Variants in CDKAL1 observed in about 807,000 individuals in gnomAD.
CDKAL1 encodes threonylcarbamoyladenosine tRNA methylthiotransferase.
A neutral mutation model predicts 68.2 loss-of-function variants in CDKAL1; 32 were observed. The ratio of observed to expected loss-of-function variants is 0.47; its 90% CI spans 0.35 to 0.63. CDKAL1 has a LOEUF of 0.63. CDKAL1 is among the 30% of genes least tolerant of loss of function. CDKAL1 has a pLI of 0.00. For missense variants in CDKAL1, 606 were observed against 696.7 expected (o/e 0.87, Z 1.47); for synonymous variants, 234 against 244.3 (o/e 0.96, Z 0.39).
chr6:21,224,387 C>T (rs995309563), intron 15 of CDKAL1, among the ~76,000 whole-genome samples: 1 of 152,036 alleles, frequency 6.6e-6, no homozygotes, highest in African/African-American at 2.4e-5. Context: ...ATTAGCCAGG[C>T]GTGGTGACAC....
At chr6:20,565,005 G>A (rs1043754367) in intron 4 of CDKAL1, among the ~76,000 whole-genome samples, 1 of 152,084 alleles carries the variant, frequency 6.6e-6, no homozygotes, top group African/African-American at 2.4e-5. Context: ...ATAGCAGGAT[G>A]TGGTGAATAC....
chr6:21,206,342 G>A lies in CDKAL1; in HGVS notation c.1548+5068G>A, dbSNP rs184266582. On this transcript the variant is annotated intron_variant, in intron 15 of 15. Coordinates refer to ENST00000274695, the MANE Select transcript of CDKAL1 (RefSeq NM_017774.3). ...TTCTCTGTGGGTTCAGTTAAAAATG[G>A]CATTAGAGATCTGTCTCTCTTAGGA... Among the ~76,000 whole-genome samples, 110 of 152,220 alleles carry A rather than the reference G, an allele frequency of 7.2e-4. 2 individuals are homozygous for A. The highest frequency in any genetic ancestry group is 2.6e-3 in the African/African-American group (106 of 41,534).
chr6:20,696,395 A>C (rs1341519611), intron 5 of CDKAL1, among the ~76,000 whole-genome samples: 2 of 152,258 alleles, frequency 1.3e-5, no homozygotes, highest in African/African-American at 4.8e-5. Flanking sequence ...TAGGTAGCTA[A>C]GAGCACCTGA....
At chr6:20,691,053 A>G (rs1256624129) in intron 5 of CDKAL1, among the ~76,000 whole-genome samples, 6 of 152,218 alleles carry the variant, frequency 3.9e-5, no homozygotes, top group African/African-American at 1.2e-4. Flanking sequence ...ATTACAGGTA[A>G]TAGGCAATAA....
Position 21,073,203 on chromosome 6 carries a change from A to T in CDKAL1, c.1236+7975A>T, listed in dbSNP as rs563736186. ...AATAATATTTCATTGTGTGGACGTAACACAATTTATCCATTTACCTACTGA... is the reference window on the plus strand; with the variant it reads ...AATAATATTTCATTGTGTGGACGTATCACAATTTATCCATTTACCTACTGA... On this transcript the variant is annotated intron_variant, in intron 12 of 15. Transcript: ENST00000274695. 3.6e-4 allele frequency among the ~76,000 whole-genome samples: 55 copies of T among 152,300 alleles called. No individual in the cohort carries two copies. The South Asian group carries it at 4.6e-3, about 13-fold the overall frequency.
At chr6:21,120,690 A>T (rs1482824628) in intron 13 of CDKAL1, among the ~76,000 whole-genome samples, 2 of 152,216 alleles carry the variant, frequency 1.3e-5, no homozygotes, top group African/African-American at 2.4e-5. Context: ...TTAAAAATTT[A>T]AATATTATCA....
intron 2 of CDKAL1, among the ~76,000 whole-genome samples, chr6:20,545,973 C>T (rs1399028294): frequency 6.6e-6 from 1 of 152,172 alleles, no homozygotes; most frequent in Non-Finnish European, 1.5e-5. Flanking sequence ...TATAGCTTGA[C>T]AGACAAAGAA....
chr6:21,004,216 T>G (rs773107823), intron 11 of CDKAL1, among the ~76,000 whole-genome samples: 14 of 152,210 alleles, frequency 9.2e-5, no homozygotes, highest in Admixed American at 2.0e-4. Flanking sequence ...AAAGTGGAAG[T>G]GAAATCTTTT....
intron 13 of CDKAL1, among the ~76,000 whole-genome samples, chr6:21,112,713 C>G (rs553680030): frequency 3.9e-5 from 6 of 152,164 alleles, no homozygotes; most frequent in Non-Finnish European, 5.9e-5. Context: ...TGTATTTATG[C>G]ACTTGATAAG....
In CDKAL1 at chr6:21,144,333, C is replaced by T. The variant is rs562591497; in HGVS notation, c.1299+35870C>T. Reference sequence around the variant, plus strand: ...GCTTAGACATGCAAATGTTATATTCCCTGCAGCAGAGTAAAGTCACATAAA... The same window carrying T: ...GCTTAGACATGCAAATGTTATATTCTCTGCAGCAGAGTAAAGTCACATAAA... On this transcript the variant is annotated intron_variant, in intron 13 of 15. Transcript: ENST00000274695. Among the ~76,000 whole-genome samples, 8 of 152,220 alleles carry T rather than the reference C, an allele frequency of 5.3e-5. No individual in the cohort carries two copies. The South Asian group carries it at 1.5e-3, about 28-fold the overall frequency.
chr6:21,130,568 G>A (rs895099273), intron 13 of CDKAL1, among the ~76,000 whole-genome samples: 1 of 152,130 alleles, frequency 6.6e-6, no homozygotes, highest in Non-Finnish European at 1.5e-5. Context: ...TCAATTAAAT[G>A]TGAATTTCCA....
chr6:20,810,874 T>A (rs1776787464), intron 8 of CDKAL1, among the ~76,000 whole-genome samples: 1 of 152,060 alleles, frequency 6.6e-6, no homozygotes, highest in African/African-American at 2.4e-5. Context: ...CTACCCCCAG[T>A]ATTTACAATT....
At chr6:20,612,042 G>A (rs1766640320) in intron 4 of CDKAL1, among the ~76,000 whole-genome samples, 1 of 152,142 alleles carries the variant, frequency 6.6e-6, no homozygotes, top group Non-Finnish European at 1.5e-5. Context: ...TTAATGTAAT[G>A]ATTTCCAGTT....
chr6:20,630,816 A>G lies in CDKAL1; in HGVS notation c.287-18477A>G, dbSNP rs112238792. On this transcript the variant is annotated intron_variant, in intron 4 of 15. Coordinates refer to ENST00000274695, the MANE Select transcript of CDKAL1 (RefSeq NM_017774.3). The stretch of plus-strand genomic sequence containing the variant: ...TTAAGACACCTCTTTGCAAGTCACA[A>G]CATCTCTTTCTATTTCTGTTTCCGC... 6.8e-3 allele frequency among the ~76,000 whole-genome samples: 1,037 copies of G among 152,252 alleles called. 5 individuals are homozygous for G. The highest frequency in any genetic ancestry group is 0.011 in the Non-Finnish European group (751 of 68,018).
At chr6:20,884,536 G>A (rs1385723413) in intron 9 of CDKAL1, among the ~76,000 whole-genome samples, 1 of 152,134 alleles carries the variant, frequency 6.6e-6, no homozygotes, top group Non-Finnish European at 1.5e-5. Context: ...GAACTAAAAT[G>A]CATTCAAATT....
intron 13 of CDKAL1, among the ~76,000 whole-genome samples, chr6:21,160,897 G>A (rs1203960755): frequency 1.3e-5 from 2 of 151,474 alleles, no homozygotes; most frequent in African/African-American, 4.9e-5. Context: ...TCTGGTGTGT[G>A]ATGTTCCCCT....
chr6:20,603,584 G>A (rs902406569), intron 4 of CDKAL1, among the ~76,000 whole-genome samples: 9 of 152,050 alleles, frequency 5.9e-5, no homozygotes, highest in Admixed American at 1.3e-4. Context: ...TGATATGCAA[G>A]TGTTACTCAG....
intron 13 of CDKAL1, among the ~76,000 whole-genome samples, chr6:21,119,113 C>T (rs1209975658): frequency 6.6e-6 from 1 of 152,180 alleles, no homozygotes; most frequent in African/African-American, 2.4e-5. Flanking sequence ...TCCCGACCAT[C>T]TTCCCCTCCT....
chr6:21,009,745 A>G (rs1167525296), intron 11 of CDKAL1, among the ~76,000 whole-genome samples: 2 of 152,256 alleles, frequency 1.3e-5, no homozygotes, highest in South Asian at 2.1e-4. Flanking sequence ...AACCAGGCAC[A>G]GAAAGACAAA....
Sources: gnomAD v4.1 joint callset for allele counts (sites outside exome capture counted in the v4.1 genomes callset) on GRCh38, gnomAD v4.1.1 for gene constraint, MANE v1.5 for transcripts, NCBI Gene and HGNC (gene_info 2026-07-23, HGNC 2026-07-21) for gene names.